Variants in RDX observed in about 807,000 individuals in gnomAD.
The protein encoded by RDX is radixin.
Under a neutral mutation model 83.7 loss-of-function variants are expected in RDX, and 32 were observed. That is an observed-to-expected ratio of 0.38 (90% CI 0.29 to 0.51). The LOEUF is 0.51. RDX is among the 20% of genes least tolerant of loss of function. RDX has a pLI of 0.87. For synonymous variants in RDX, 229 were observed against 222.7 expected (o/e 1.03, Z -0.25); for missense variants, 600 against 689.9 (o/e 0.87, Z 1.46).
chr11:110,218,860 T>C (rs945954629), intron 14 of RDX, among the ~76,000 whole-genome samples: 23 of 152,192 alleles, frequency 1.5e-4, no homozygotes, highest in Non-Finnish European at 1.0e-4. Context: ...GCCTTCCTTC[T>C]GAGCTCTCAG....
intron 7 of RDX, among the ~76,000 whole-genome samples, 171 bp downstream of exon 7, chr11:110,257,596 A>G (rs1288328241): frequency 6.6e-6 from 1 of 152,196 alleles, no homozygotes; most frequent in Non-Finnish European, 1.5e-5. Context: ...GCAAGGTGAT[A>G]AGAAAATGGA....
intron 14 of RDX, among the ~76,000 whole-genome samples, chr11:110,204,533 T>G (rs1863532548): frequency 9.4e-6 from 1 of 105,986 alleles, no homozygotes; most frequent in Non-Finnish European, 1.9e-5. Flanking sequence ...TTTTTTTTTT[T>G]GAGACAGAGT....
At chr11:110,269,607 A>C (rs530882875) in intron 3 of RDX, among the ~76,000 whole-genome samples, 4 of 152,334 alleles carry the variant, frequency 2.6e-5, no homozygotes, top group East Asian at 1.9e-4. Flanking sequence ...ATACAAAAGT[A>C]AAGTCTGCAT....
intron 1 of RDX, among the ~76,000 whole-genome samples, chr11:110,284,382 G>C (rs1321775417): frequency 1.3e-5 from 2 of 152,130 alleles, no homozygotes; most frequent in African/African-American, 4.8e-5. Context: ...TGATAACATG[G>C]ACTTCTCCAG....
chr11:110,211,393 T>C (rs1471978038), intron 14 of RDX, among the ~76,000 whole-genome samples: 1 of 151,040 alleles, frequency 6.6e-6, no homozygotes, highest in Middle Eastern at 3.2e-3. Context: ...TGGGAGACTT[T>C]AACACCCCAC....
intron 15 of RDX, among the ~76,000 whole-genome samples, chr11:110,182,357 T>A (rs1862904841): frequency 6.6e-6 from 1 of 152,182 alleles, no homozygotes; most frequent in African/African-American, 2.4e-5. Flanking sequence ...ATCCCAGCAC[T>A]TTGGGAAACC....
intron 3 of RDX, among the ~76,000 whole-genome samples, chr11:110,267,358 C>A (rs1860089778): frequency 1.3e-5 from 2 of 151,898 alleles, no homozygotes; most frequent in Admixed American, 6.6e-5. Flanking sequence ...GCTAAAAATA[C>A]AAAAATTAGC....
intron 15 of RDX, among the ~76,000 whole-genome samples, chr11:110,189,286 ATG>A (rs1863059441): frequency 1.2e-4 from 17 of 143,122 alleles, no homozygotes; most frequent in Middle Eastern, 3.5e-3. Context: ...GCATTACATA[ATG>A]ACAAAGGGAT....
At chr11:110,279,996 C>T (rs924106459) in intron 1 of RDX, among the ~76,000 whole-genome samples, 11 of 152,116 alleles carry the variant, frequency 7.2e-5, no homozygotes, top group Admixed American at 6.6e-4. Flanking sequence ...ACTGATCTAA[C>T]CAGAAGTTTT....
chr11:110,226,437 G>C (rs530467390), downstream of RDX, among the ~76,000 whole-genome samples: 1 of 152,248 alleles, frequency 6.6e-6, no homozygotes, highest in South Asian at 2.1e-4. Flanking sequence ...AATTTATAGA[G>C]ACAGAAAGTA....
intron 1 of RDX, among the ~76,000 whole-genome samples, chr11:110,296,072 C>G (rs1861443644): frequency 6.6e-6 from 1 of 152,266 alleles, no homozygotes; most frequent in Non-Finnish European, 1.5e-5. Flanking sequence ...ACCATGCCAG[C>G]CCGGGCCCGG....
intron 14 of RDX, among the ~76,000 whole-genome samples, chr11:110,207,970 T>C (rs1450489538): frequency 6.7e-6 from 1 of 148,514 alleles, no homozygotes; most frequent in African/African-American, 2.5e-5. Context: ...TAAAGAATCA[T>C]AAGGAAGTTG....
rs949509069 is a variant in RDX at position 110,231,687 on chromosome 11, A to C, written c.*182T>G. Reference sequence around the variant, plus strand: ...CTGGACCAAAAGAAAAAAGAAAACCAAGCATGATATCATACTGCCTTAATG... The same window carrying C: ...CTGGACCAAAAGAAAAAAGAAAACCCAGCATGATATCATACTGCCTTAATG... On this transcript the variant is annotated 3_prime_UTR_variant, in exon 14 of 14. Coordinates refer to ENST00000645495, the MANE Select transcript of RDX (RefSeq NM_002906.4). 1 of 663,924 alleles carries C rather than the reference A, an allele frequency of 1.5e-6. No homozygotes were observed. Among genetic ancestry groups the C allele is most frequent in the African/African-American group, 1.8e-5 (1 of 55,646 alleles). The allele number at this position is 663,924 out of a possible 1,614,324, so 41.1% of individuals were successfully genotyped here.
intron 3 of RDX, among the ~76,000 whole-genome samples, chr11:110,265,094 G>A (rs554929467): frequency 1.8e-4 from 25 of 136,288 alleles, no homozygotes; most frequent in East Asian, 4.3e-4. Context: ...TTTTTGAAAA[G>A]AAGTTTTTTT....
At chr11:110,221,272 C>G (rs537433595) in intron 14 of RDX, among the ~76,000 whole-genome samples, 8 of 152,212 alleles carry the variant, frequency 5.3e-5, no homozygotes, top group African/African-American at 1.9e-4. Context: ...GTACCCCCCC[C>G]AAAATACTTG....
At chr11:110,183,438 C>T (rs1862927273) in intron 15 of RDX, among the ~76,000 whole-genome samples, 1 of 152,200 alleles carries the variant, frequency 6.6e-6, no homozygotes, top group African/African-American at 2.4e-5. Flanking sequence ...AGTGATCCTC[C>T]CACCTCAGTC....
intron 2 of RDX, among the ~76,000 whole-genome samples, chr11:110,274,374 ATC>A (rs752375233): frequency 1.3e-5 from 2 of 152,190 alleles, no homozygotes; most frequent in East Asian, 1.9e-4. Context: ...AAATATATGT[ATC>A]TGTTTGTAAA....
chr11:110,296,493 CG>C lies in RDX; in HGVS notation c.-92del, dbSNP rs1861471676. On this transcript the variant is annotated 5_prime_UTR_variant, in exon 1 of 14. Transcript: ENST00000645495. ...CGGAGAGCGGGCGGCTTCTGCCCGC[CG>C]GCGTGTGGCTGGGGCGCTGCGCGGC... 1 of 151,396 alleles carries C rather than the reference CG, an allele frequency of 6.6e-6. No individual in the cohort carries two copies. The highest frequency in any genetic ancestry group is 1.5e-5 in the Non-Finnish European group (1 of 67,802). The allele number at this position is 151,396 out of a possible 1,614,324, so 9.4% of individuals were successfully genotyped here. A position where few individuals can be genotyped will look rare whatever the true frequency, so the allele number is the denominator to read the frequency against.
chr11:110,265,909 T>C (rs1044224607), intron 3 of RDX, among the ~76,000 whole-genome samples: 1 of 152,214 alleles, frequency 6.6e-6, no homozygotes, highest in African/African-American at 2.4e-5. Context: ...ATTGTGTTAT[T>C]AGCAGTGTGT....
Sources: gnomAD v4.1 joint callset for allele counts (sites outside exome capture counted in the v4.1 genomes callset) on GRCh38, gnomAD v4.1.1 for gene constraint, MANE v1.5 for transcripts, NCBI Gene and HGNC (gene_info 2026-07-23, HGNC 2026-07-21) for gene names.